The following CDH12 variants were observed in gnomAD, a reference collection of about 807,000 sequenced individuals.
CDH12 encodes the protein cadherin 12.
A neutral mutation model predicts 74.1 loss-of-function variants in CDH12; 41 were observed. The ratio of observed to expected loss-of-function variants is 0.55; its 90% CI spans 0.43 to 0.72. CDH12 has a LOEUF of 0.72. CDH12 is among the 30% of genes least tolerant of loss of function. CDH12 has a pLI of 0.00. For missense variants in CDH12, 945 were observed against 977.2 expected (o/e 0.97, Z 0.44); for synonymous variants, 399 against 355.0 (o/e 1.12, Z -1.39).
At chr5:22,721,784 A>G (rs567693021) in intron 1 of CDH12, among the ~76,000 whole-genome samples, 39 of 152,242 alleles carry the variant, frequency 2.6e-4, no homozygotes, top group African/African-American at 8.9e-4. Flanking sequence ...TGTTGTCATG[A>G]TAGAGAGTGA....
At chr5:22,383,919 GAATATCC>G (rs769790256) in intron 3 of CDH12, among the ~76,000 whole-genome samples, 2 of 151,992 alleles carry the variant, frequency 1.3e-5, no homozygotes, top group South Asian at 2.1e-4. Context: ...TTTCAGGGAT[GAATATCC>G]AATGGAGTTT....
chr5:21,940,643 G>A (rs2150089710), intron 6 of CDH12, among the ~76,000 whole-genome samples: 1 of 152,162 alleles, frequency 6.6e-6, no homozygotes, highest in African/African-American at 2.4e-5. Context: ...TCAGAAAGTG[G>A]TGTAAATCTG....
At chr5:21,878,750 T>C (rs764574566) in intron 6 of CDH12, among the ~76,000 whole-genome samples, 2 of 135,518 alleles carry the variant, frequency 1.5e-5, no homozygotes, top group Non-Finnish European at 3.1e-5. Context: ...AGAGACCCTG[T>C]TGAAAGAAGA....
chr5:21,797,843 G>A (rs896741804), intron 10 of CDH12, among the ~76,000 whole-genome samples: 1 of 151,920 alleles, frequency 6.6e-6, no homozygotes, highest in Non-Finnish European at 1.5e-5. Context: ...TAGTTCTTAA[G>A]TATTGCCTTA....
intron 4 of CDH12, among the ~76,000 whole-genome samples, chr5:22,140,106 T>C (rs937684038): frequency 2.6e-5 from 4 of 152,032 alleles, no homozygotes; most frequent in African/African-American, 9.7e-5. Flanking sequence ...AAATCCCATG[T>C]TAGTATCAGC....
chr5:22,023,819 C>G (rs1035940615), intron 5 of CDH12, among the ~76,000 whole-genome samples: 12 of 152,124 alleles, frequency 7.9e-5, no homozygotes, highest in Non-Finnish European at 1.0e-4. Flanking sequence ...GTGTTTAGGG[C>G]TTTCTAGAGC....
At chr5:22,059,564 G>C (rs1741040257) in intron 5 of CDH12, among the ~76,000 whole-genome samples, 2 of 152,104 alleles carry the variant, frequency 1.3e-5, no homozygotes, top group Admixed American at 1.3e-4. Flanking sequence ...CTACACAGCA[G>C]AGAACTGTTT....
At chr5:22,650,194 A>G (rs1400395847) in intron 1 of CDH12, among the ~76,000 whole-genome samples, 1 of 152,078 alleles carries the variant, frequency 6.6e-6, no homozygotes, top group Non-Finnish European at 1.5e-5. Context: ...AACATTCATG[A>G]TTAGTGGCTA....
rs186536389 is a variant in CDH12, at chr5:22,475,238, T to A, written c.-428+30032A>T. ...TCTAGTTGGGTGAAATGATCTAGAA[T>A]GATTGTAAATGTCTTATTTATACTA... On this transcript the variant is annotated intron_variant, in intron 2 of 14. Coordinates refer to ENST00000382254, the MANE Select transcript of CDH12 (RefSeq NM_004061.5). Among the ~76,000 whole-genome samples, 453 of 152,000 alleles carry A rather than the reference T, an allele frequency of 3.0e-3. 1 individual carries two copies. Among genetic ancestry groups the A allele is most frequent in the Non-Finnish European group, 4.6e-3 (314 of 67,938 alleles).
At chr5:22,009,449 T>G (rs1737159556) in intron 5 of CDH12, among the ~76,000 whole-genome samples, 1 of 152,122 alleles carries the variant, frequency 6.6e-6, no homozygotes, top group African/African-American at 2.4e-5. Flanking sequence ...CATTGATCCT[T>G]CACAGAAATT....
At chr5:22,167,043 G>C (rs888830335) in intron 4 of CDH12, among the ~76,000 whole-genome samples, 2 of 152,142 alleles carry the variant, frequency 1.3e-5, no homozygotes, top group Admixed American at 6.5e-5. Context: ...TTCCAACTGA[G>C]CATAATAAAG....
At chr5:22,665,684 C>T (rs1244660450) in intron 1 of CDH12, among the ~76,000 whole-genome samples, 2 of 152,142 alleles carry the variant, frequency 1.3e-5, no homozygotes, top group Non-Finnish European at 2.9e-5. Flanking sequence ...ATGAAGGCAA[C>T]TTTTTAATTC....
At chr5:22,789,418 CA>C (rs954066432) in intron 1 of CDH12, among the ~76,000 whole-genome samples, 1 of 151,874 alleles carries the variant, frequency 6.6e-6, no homozygotes, top group African/African-American at 2.4e-5. Flanking sequence ...TTTGTAAAAA[CA>C]AATTAATCAT....
chr5:22,647,771 A>C (rs1486579010), intron 1 of CDH12, among the ~76,000 whole-genome samples: 1 of 151,850 alleles, frequency 6.6e-6, no homozygotes, highest in African/African-American at 2.4e-5. Context: ...TATTGCAGAT[A>C]TTAGTTTTTA....
chr5:22,621,520 G>T (rs546346537), intron 1 of CDH12, among the ~76,000 whole-genome samples: 1 of 152,076 alleles, frequency 6.6e-6, no homozygotes, highest in East Asian at 1.9e-4. Flanking sequence ...AATTAGTGGG[G>T]ATGAATTACT....
At chr5:22,199,457 T>C (rs191598576) in intron 4 of CDH12, among the ~76,000 whole-genome samples, 173 of 152,346 alleles carry the variant, frequency 1.1e-3, no homozygotes, top group Non-Finnish European at 1.7e-3. Flanking sequence ...GCTTTAACTT[T>C]GTTAAAAGAA....
intron 3 of CDH12, among the ~76,000 whole-genome samples, chr5:22,290,906 C>T (rs573203062): frequency 7.9e-5 from 12 of 152,216 alleles, no homozygotes; most frequent in African/African-American, 2.2e-4. Context: ...ATGTCTTCAA[C>T]GATGACTTCT....
At chr5:22,724,665 T>A (rs192339269) in intron 1 of CDH12, among the ~76,000 whole-genome samples, 6 of 152,020 alleles carry the variant, frequency 3.9e-5, no homozygotes, top group African/African-American at 1.4e-4. Context: ...CCATATCTTT[T>A]CAATTGTGAA....
intron 2 of CDH12, among the ~76,000 whole-genome samples, chr5:22,456,130 T>C (rs1048509007): frequency 7.9e-6 from 1 of 126,388 alleles, no homozygotes; most frequent in Non-Finnish European, 1.7e-5. Context: ...TATATATATA[T>C]ATATAAAACG....
Sources: gnomAD v4.1 joint callset for allele counts (sites outside exome capture counted in the v4.1 genomes callset) on GRCh38, gnomAD v4.1.1 for gene constraint, MANE v1.5 for transcripts, NCBI Gene and HGNC (gene_info 2026-07-23, HGNC 2026-07-21) for gene names.